Variants in STAC2 observed in about 807,000 individuals in gnomAD.
STAC2 encodes the protein SH3 and cysteine rich domain 2.
A neutral mutation model predicts 49.0 loss-of-function variants in STAC2; 36 were observed. The ratio of observed to expected loss-of-function variants is 0.74; its 90% CI spans 0.56 to 0.97. The LOEUF is 0.97. STAC2 is among the 50% of genes least tolerant of loss of function. The pLI is 0.00. For missense variants in STAC2, 527 were observed against 543.8 expected, an observed-to-expected ratio of 0.97 and a Z score of 0.31; for synonymous variants, 239 against 214.7, an observed-to-expected ratio of 1.11 and a Z score of -0.99.
chr17:39,212,600 G>T (rs2046364417), intron 10 of STAC2, among the ~76,000 whole-genome samples: 1 of 152,172 alleles, frequency 6.6e-6, no homozygotes, highest in African/African-American at 2.4e-5. Context: ...CAGACACCCA[G>T]CAGCACTTCA....
At chr17:39,215,276 G>A in intron 4 of STAC2, 46 bp from the exon 5 acceptor site, 4 of 1,595,150 alleles carry the variant, frequency 2.5e-6, no homozygotes, top group Non-Finnish European at 3.4e-6. Flanking sequence ...TCAAAGCCCT[G>A]CATCTCTAGT....
chr17:39,225,006 C>A lies in STAC2; in HGVS notation c.90+407G>T, dbSNP rs2046497959. On this transcript the variant is annotated intron_variant, in intron 1 of 10. Coordinates refer to ENST00000333461, the MANE Select transcript of STAC2 (RefSeq NM_198993.5). This position sits in a 1 kb window ranked among gnomAD's most constrained non-coding sequence, Gnocchi z 8.2. ...GACACAGACACGCAGGTTGTAGAGA[C>A]AAATTCAGAGACACGAGCGAGGATA... Among the ~76,000 whole-genome samples the A allele has an allele frequency of 6.6e-6, 1 of 152,168 alleles. No individual in the cohort carries two copies. The highest frequency in any genetic ancestry group is 6.5e-5 in the Admixed American group (1 of 15,288).
At chr17:39,214,382 C>G (rs778922041) in intron 7 of STAC2, 52 bp from the exon 8 acceptor site, 1 of 1,609,598 alleles carries the variant, frequency 6.2e-7, no homozygotes, top group East Asian at 2.2e-5. Flanking sequence ...CTCACTCCCC[C>G]CACTCTCCAC....
intron 1 of STAC2, among the ~76,000 whole-genome samples, chr17:39,219,654 C>G (rs1647614907): frequency 1.3e-5 from 2 of 152,194 alleles, no homozygotes; most frequent in South Asian, 4.1e-4. Flanking sequence ...CTCCTTGAAG[C>G]CTACATTCTG....
chr17:39,213,852 T>C (rs2046377037), intron 8 of STAC2, among the ~76,000 whole-genome samples: 1 of 151,934 alleles, frequency 6.6e-6, no homozygotes, highest in South Asian at 2.1e-4. Context: ...AATTTTTGTA[T>C]TTTTAGTACA....
intron 2 of STAC2, among the ~76,000 whole-genome samples, chr17:39,217,510 G>T (rs577848310): frequency 1.3e-5 from 2 of 152,156 alleles, no homozygotes; most frequent in South Asian, 2.1e-4. Context: ...GATTGCTTGA[G>T]CCCAGGGTTT....
intron 1 of STAC2, among the ~76,000 whole-genome samples, chr17:39,221,106 A>AT (rs1165461096): frequency 2.2e-5 from 3 of 135,290 alleles, no homozygotes; most frequent in African/African-American, 8.4e-5. Flanking sequence ...TCTTGTTTTT[A>AT]TTTTTTTGAG....
intron 1 of STAC2, among the ~76,000 whole-genome samples, chr17:39,218,673 CA>C (rs1380287114): frequency 6.6e-6 from 1 of 151,918 alleles, no homozygotes; most frequent in African/African-American, 2.4e-5. Flanking sequence ...ATTCCATACC[CA>C]TACATAAATA....
rs868399436 is a variant in STAC2, at chr17:39,210,776, G to C, written c.*1516C>G. 1 of 152,394 alleles carries C rather than the reference G, an allele frequency of 6.6e-6. No homozygotes were observed. Among genetic ancestry groups the C allele is most frequent in the South Asian group, 2.1e-4 (1 of 4,800 alleles). 9.4% of individuals were successfully genotyped at this position (152,394 alleles called of 1,614,324 possible). ...TCCCACTGCATGGGAGGGTGTAACT[G>C]TGCCCAGGATGGGGGTGGCATGGGC... On this transcript the variant is annotated 3_prime_UTR_variant, in exon 11 of 11. Coordinates refer to ENST00000333461, the MANE Select transcript of STAC2 (RefSeq NM_198993.5).
In STAC2 at chr17:39,215,033, G is replaced by A. The variant is rs751474104; in HGVS notation, c.700-10C>T. ...GCTCATCCCGCTCACTCTAGGGACA[G>A]AGAGAGGAGAGGGCTCAGCCCCCGA... On this transcript the variant is annotated splice_polypyrimidine_tract_variant and intron_variant, in intron 5 of 10. Transcript: ENST00000333461. 1.2e-6 allele frequency: 2 copies of A among 1,614,106 alleles called. No homozygotes were observed. Among genetic ancestry groups the A allele is most frequent in the African/African-American group, 1.3e-5 (1 of 75,034 alleles).
At chr17:39,214,926 G>A in intron 6 of STAC2, 25 bp downstream of exon 6, 1 of 1,613,972 alleles carries the variant, frequency 6.2e-7, no homozygotes, top group Non-Finnish European at 8.5e-7. Flanking sequence ...CCCCATTCCT[G>A]CCCTTGATGC....
chr17:39,215,119 A>C lies in STAC2; in HGVS notation c.698T>G (p.Leu233Arg). ...SSTSESPTRSLSERDELTEDG... is the reference protein window; with the variant it reads ...SSTSESPTRSRSERDELTEDG... ...ACCCCCCCTTTTTGCCCACCATACC[A>C]GGCTCCTTGTCGGGGACTCAGAGGT... The change falls in exon 5 of 11, where the codon CTG (leucine) becomes CGG (arginine). Residue 233 changes from leucine to arginine, a missense_variant and splice_region_variant. Transcript: ENST00000333461. The C allele has an allele frequency of 6.2e-7, 1 of 1,613,390 alleles. No individual in the cohort carries two copies. Among genetic ancestry groups the C allele is most frequent in the Non-Finnish European group, 8.5e-7 (1 of 1,179,834 alleles).
At position 39,215,153 on chromosome 17, in the gene STAC2, A is replaced by G; in HGVS notation, c.664T>C (p.Phe222Leu). The G allele has an allele frequency of 6.2e-7, 1 of 1,614,046 alleles. No individual in the cohort carries two copies. The highest frequency in any genetic ancestry group is 8.5e-7 in the Non-Finnish European group (1 of 1,179,992). The change falls in exon 5 of 11, where the codon TTC becomes CTC. Residue 222 changes from phenylalanine to leucine, a missense_variant. Coordinates refer to ENST00000333461, the MANE Select transcript of STAC2 (RefSeq NM_198993.5). Reference sequence around the variant, plus strand: ...GTCGGGGACTCAGAGGTGCTGCTGAAACTGGAGCGGTTCATCAGTGCCAGG... The same window carrying G: ...GTCGGGGACTCAGAGGTGCTGCTGAGACTGGAGCGGTTCATCAGTGCCAGG... Reference protein sequence around the residue: ...TSLALMNRSSFSSTSESPTRS... With the variant: ...TSLALMNRSSLSSTSESPTRS...
intron 2 of STAC2, 152 bp from the exon 3 acceptor site, chr17:39,217,325 G>A: frequency 2.9e-6 from 2 of 699,248 alleles, no homozygotes; most frequent in South Asian, 3.4e-5. Context: ...GGGTATGAGG[G>A]AGCACGGAAG....
At position 39,210,722 on chromosome 17, in the gene STAC2, G is replaced by C. The variant is rs1487574349; in HGVS notation, c.*1570C>G. The C allele has an allele frequency of 6.6e-6, 1 of 152,550 alleles. No individual in the cohort carries two copies. Among genetic ancestry groups the C allele is most frequent in the Admixed American group, 6.6e-5 (1 of 15,262 alleles). 9.4% of individuals were successfully genotyped at this position (152,550 alleles called of 1,614,324 possible). On this transcript the variant is annotated 3_prime_UTR_variant, in exon 11 of 11. Transcript: ENST00000333461. ...GCTTTGTGGGGGAGAAGTGGGGCAG[G>C]GGCCTTTGGGTACGAGGGTCTGTGT...
chr17:39,222,160 C>T (rs550758149), intron 1 of STAC2, among the ~76,000 whole-genome samples: 1 of 152,148 alleles, frequency 6.6e-6, no homozygotes, highest in Non-Finnish European at 1.5e-5. Flanking sequence ...CAGTCATGTT[C>T]CCCCCATCCC....
intron 2 of STAC2, 132 bp downstream of exon 2, chr17:39,217,735 A>T: frequency 2.3e-6 from 2 of 875,768 alleles, no homozygotes; most frequent in Non-Finnish European, 3.4e-6. Context: ...AAAAAAAAAG[A>T]GGCACAGAGG....
chr17:39,218,112 T>C lies in STAC2; in HGVS notation c.152A>G (p.Asn51Ser). The change falls in exon 2 of 11, where the codon AAC becomes AGC. Residue 51 changes from asparagine to serine, a missense_variant. Asn to Ser is a conservative substitution (Grantham distance 46, BLOSUM62 1). Coordinates refer to ENST00000333461, the MANE Select transcript of STAC2 (RefSeq NM_198993.5). ...KTILRSKSLE[N>S]FFLRSGSELK... The stretch of plus-strand genomic sequence containing the variant: ...CTCAGAGCCCGAGCGAAGGAAGAAG[T>C]TCTCCAAGCTCTTACTTCGGAGGAT... 1 of 1,613,196 alleles carries C rather than the reference T, an allele frequency of 6.2e-7. No homozygotes were observed. The highest frequency in any genetic ancestry group is 8.5e-7 in the Non-Finnish European group (1 of 1,179,972).
chr17:39,214,274 G>T lies in STAC2; in HGVS notation c.900C>A (p.Leu300=), dbSNP rs752954575. 1 of 1,614,088 alleles carries T rather than the reference G, an allele frequency of 6.2e-7. No individual in the cohort carries two copies. The highest frequency in any genetic ancestry group is 1.1e-5 in the South Asian group (1 of 91,062). ...TGTTCTCCTGGGGCAGAAACTTGTA[G>T]AGTGCAACGTAGGAGTACATGGGCC... ...DVGPMYSYVA[L]YKFLPQENND... Residue 300 remains leucine (L), a synonymous_variant, in exon 8 of 11, where the codon CTC becomes CTA. Transcript: ENST00000333461.
Sources: allele counts gnomAD v4.1 joint callset (sites outside exome capture counted in the v4.1 genomes callset), GRCh38; gene constraint gnomAD v4.1.1; non-coding constraint Gnocchi (gnomAD v3.1); transcripts MANE v1.5; gene names NCBI Gene and HGNC (gene_info 2026-07-23, HGNC 2026-07-21).